The following INTS13 variants were observed in gnomAD, a reference collection of about 807,000 sequenced individuals.
INTS13 encodes integrator complex subunit 13.
Under a neutral mutation model 90.2 loss-of-function variants are expected in INTS13, and 35 were observed. The observed-to-expected ratio is 0.39, with a 90% CI of 0.30 to 0.51. The LOEUF (loss-of-function observed/expected upper bound fraction) is 0.51. INTS13 is among the 20% of genes least tolerant of loss of function. The pLI, the probability that INTS13 is intolerant of heterozygous loss-of-function variation, is 0.80. For synonymous variants in INTS13, 309 were observed against 277.1 expected (o/e 1.11, Z -1.14); for missense variants, 601 against 851.2 (o/e 0.71, Z 3.66).
chr12:26,935,275 T>A (rs1454048962), intron 2 of INTS13, among the ~76,000 whole-genome samples: 1 of 152,214 alleles, frequency 6.6e-6, no homozygotes, highest in African/African-American at 2.4e-5. Flanking sequence ...TGCTATCAGG[T>A]AAGATAATGA....
chr12:26,909,454 G>A (rs983757477), intron 15 of INTS13, among the ~76,000 whole-genome samples: 1 of 148,532 alleles, frequency 6.7e-6, no homozygotes, highest in Non-Finnish European at 1.5e-5. Context: ...TGCAATTTTT[G>A]CCAGTATAGA....
intron 5 of INTS13, among the ~76,000 whole-genome samples, chr12:26,927,884 G>A (rs1457453193): frequency 6.6e-6 from 1 of 152,024 alleles, no homozygotes; most frequent in Non-Finnish European, 1.5e-5. Context: ...GCAAAGTGCT[G>A]GGATAACAGG....
At position 26,913,590 on chromosome 12, in the gene INTS13, T is replaced by C. The variant is rs1951851677; in HGVS notation, c.1672A>G (p.Met558Val). 6.2e-7 allele frequency: 1 copy of C among 1,614,022 alleles called. No homozygotes were observed. Among genetic ancestry groups the C allele is most frequent in the African/African-American group, 1.3e-5 (1 of 74,940 alleles). Residue 558 changes from methionine to valine, a missense_variant, in exon 14 of 17, where the codon ATG (methionine) becomes GTG (valine). Physicochemically the swap from Met to Val is conservative, Grantham distance 21. Coordinates refer to ENST00000261191, the MANE Select transcript of INTS13 (RefSeq NM_018164.3). ...EKHQRVLECL[M>V]ACRSKPPEEE... ...TCTGGGGGTTTGCTCCTGCATGCCA[T>C]CAGACATTCCAAGACTCTTTGATGT...
chr12:26,928,170 T>A (rs749316418), intron 5 of INTS13, 35 bp downstream of exon 5: 2 of 1,450,238 alleles, frequency 1.4e-6, no homozygotes, highest in South Asian at 2.4e-5. Context: ...TCTATCCACA[T>A]GAACATATTT....
intron 5 of INTS13, 32 bp downstream of exon 5, chr12:26,928,173 A>G: frequency 1.4e-6 from 2 of 1,463,272 alleles, no homozygotes; most frequent in Non-Finnish European, 1.9e-6. Context: ...ATCCACATGA[A>G]CATATTTATT....
intron 5 of INTS13, among the ~76,000 whole-genome samples, chr12:26,926,816 T>C (rs959860265): frequency 2.0e-5 from 3 of 152,204 alleles, no homozygotes; most frequent in African/African-American, 4.8e-5. Flanking sequence ...GAGGCAACTT[T>C]AGTGGGATCC....
intron 11 of INTS13, 116 bp downstream of exon 11, chr12:26,915,882 TAATC>T: frequency 1.5e-6 from 1 of 658,808 alleles, no homozygotes; most frequent in Non-Finnish European, 2.4e-6. Flanking sequence ...ATTAAAATAA[TAATC>T]AACTTCTTCC....
At chr12:26,922,090 T>C (rs1032124904) in intron 8 of INTS13, among the ~76,000 whole-genome samples, 1 of 152,254 alleles carries the variant, frequency 6.6e-6, no homozygotes, top group Non-Finnish European at 1.5e-5. Context: ...AATCATTCCT[T>C]TGTCCAGCAT....
chr12:26,914,274 AT>A, intron 12 of INTS13, 133 bp downstream of exon 12: 1 of 1,196,212 alleles, frequency 8.4e-7, no homozygotes, highest in Non-Finnish European at 1.1e-6. Context: ...TTAATTATTA[AT>A]TCTTTAACTT....
intron 1 of INTS13, 136 bp from the exon 2 acceptor site, chr12:26,936,950 C>T (rs1229376005): frequency 1.3e-5 from 8 of 637,314 alleles, no homozygotes; most frequent in Non-Finnish European, 2.7e-6. Context: ...GAAATCTGTC[C>T]GACAAAGGAC....
chr12:26,912,392 A>G (rs1592200409), intron 14 of INTS13, among the ~76,000 whole-genome samples: 1 of 152,168 alleles, frequency 6.6e-6, no homozygotes, highest in South Asian at 2.1e-4. Context: ...AGTCGAGATC[A>G]TGCCACTGCA....
At chr12:26,926,134 T>A (rs1203719107) in intron 5 of INTS13, among the ~76,000 whole-genome samples, 2 of 152,230 alleles carry the variant, frequency 1.3e-5, no homozygotes, top group Non-Finnish European at 2.9e-5. Flanking sequence ...TTTCAATAGA[T>A]AACTGCAACA....
intron 11 of INTS13, among the ~76,000 whole-genome samples, chr12:26,915,336 T>G (rs1951901335): frequency 6.6e-6 from 1 of 152,244 alleles, no homozygotes; most frequent in Admixed American, 6.5e-5. Flanking sequence ...GGTGTTTTTT[T>G]ACGATATCTA....
At chr12:26,919,520 TA>T (rs1373817937) in intron 8 of INTS13, among the ~76,000 whole-genome samples, 1 of 152,152 alleles carries the variant, frequency 6.6e-6, no homozygotes, top group African/African-American at 2.4e-5. Flanking sequence ...GGCCATTTAG[TA>T]GGCTACTGTG....
At chr12:26,929,904 A>G (rs1350145752) in intron 3 of INTS13, among the ~76,000 whole-genome samples, 1 of 152,190 alleles carries the variant, frequency 6.6e-6, no homozygotes, top group East Asian at 1.9e-4. Flanking sequence ...TGCAGATGAC[A>G]TGATCCTGAA....
intron 3 of INTS13, among the ~76,000 whole-genome samples, chr12:26,930,505 T>C (rs1211014631): frequency 1.3e-5 from 2 of 152,188 alleles, no homozygotes; most frequent in Non-Finnish European, 2.9e-5. Flanking sequence ...AAGCTAAACA[T>C]TAAATATAGA....
intron 3 of INTS13, among the ~76,000 whole-genome samples, chr12:26,931,809 G>A (rs1196521515): frequency 6.7e-6 from 1 of 149,588 alleles, no homozygotes; most frequent in Non-Finnish European, 1.5e-5. Flanking sequence ...AACCCGGGCT[G>A]TGCGTGGTGG....
intron 8 of INTS13, among the ~76,000 whole-genome samples, chr12:26,920,438 C>T (rs1310910411): frequency 6.7e-6 from 1 of 149,774 alleles, no homozygotes; most frequent in East Asian, 2.0e-4. Context: ...CTCGCTCTGT[C>T]GCCAGGCTGG....
intron 15 of INTS13, among the ~76,000 whole-genome samples, chr12:26,909,135 C>A (rs983825747): frequency 6.6e-6 from 1 of 152,124 alleles, no homozygotes; most frequent in Non-Finnish European, 1.5e-5. Flanking sequence ...CTAAGGCAGG[C>A]GAATCACCTG....
Sources: gnomAD v4.1 joint callset for allele counts (sites outside exome capture counted in the v4.1 genomes callset) on GRCh38, gnomAD v4.1.1 for gene constraint, MANE v1.5 for transcripts, NCBI Gene and HGNC (gene_info 2026-07-23, HGNC 2026-07-21) for gene names.